ATRNL1: variants seen among roughly 807,000 people sequenced by gnomAD.
ATRNL1 encodes attractin-like protein 1.
In ATRNL1, 95 loss-of-function variants were observed where a neutral mutation model predicts 182.7. The observed-to-expected ratio is 0.52, with a 90% CI of 0.44 to 0.62. ATRNL1 has a LOEUF of 0.62. Among genes scored for constraint, ATRNL1 ranks in the 20% least tolerant of loss-of-function variants. ATRNL1 has a pLI of 0.00. For missense variants in ATRNL1, 1,471 were observed against 1,679.5 expected (o/e 0.88, Z 2.17); for synonymous variants, 576 against 568.3 (o/e 1.01, Z -0.19).
At chr10:115,938,854 G>A (rs561140430) in intron 28 of ATRNL1, among the ~76,000 whole-genome samples, 1 of 152,204 alleles carries the variant, frequency 6.6e-6, no homozygotes, top group South Asian at 2.1e-4. Context: ...AGGGGAAGGG[G>A]GAGGGATGGG....
chr10:115,369,054 T>C (rs1857240308), intron 19 of ATRNL1, among the ~76,000 whole-genome samples: 1 of 152,142 alleles, frequency 6.6e-6, no homozygotes, highest in Admixed American at 6.5e-5. Flanking sequence ...AGTGAAATCA[T>C]ACAGTATTAG....
At chr10:115,750,350 A>G (rs1055759298) in intron 27 of ATRNL1, among the ~76,000 whole-genome samples, 1 of 151,924 alleles carries the variant, frequency 6.6e-6, no homozygotes, top group Non-Finnish European at 1.5e-5. Flanking sequence ...TAGTTGAAAA[A>G]TTGGCATTAA....
intron 26 of ATRNL1, among the ~76,000 whole-genome samples, chr10:115,608,471 A>G (rs968838461): frequency 2.9e-4 from 44 of 152,084 alleles, no homozygotes; most frequent in African/African-American, 1.0e-3. Flanking sequence ...AGAACACTAC[A>G]TACCATACTT....
At chr10:115,760,091 T>C (rs1449681299) in intron 27 of ATRNL1, among the ~76,000 whole-genome samples, 1 of 151,616 alleles carries the variant, frequency 6.6e-6, no homozygotes, top group African/African-American at 2.4e-5. Flanking sequence ...GAACTATATA[T>C]AATATATATT....
rs1008922506 is a variant in ATRNL1 at position 115,332,619 on chromosome 10, T to G, written c.3038-1663T>G. On this transcript the variant is annotated intron_variant, in intron 18 of 28. Coordinates refer to ENST00000355044, the MANE Select transcript of ATRNL1 (RefSeq NM_207303.4). ...CATAAAGAGGATGATGAGCATTTTT[T>G]CATAACTGCATATTCTTTCTATAAT... Among the ~76,000 whole-genome samples, 13 of 152,216 alleles carry G rather than the reference T, an allele frequency of 8.5e-5. 1 individual carries two copies. Among genetic ancestry groups the G allele is most frequent in the Non-Finnish European group, 1.5e-4 (10 of 68,042 alleles).
intron 1 of ATRNL1, among the ~76,000 whole-genome samples, chr10:115,118,667 T>C (rs1490863956): frequency 2.0e-5 from 3 of 152,126 alleles, no homozygotes; most frequent in African/African-American, 7.2e-5. Context: ...ACTTTTGTCC[T>C]CCTCTCCCCT....
rs1554896327 is a variant in ATRNL1 at position 115,216,673 on chromosome 10, C to T, written c.1532+793C>T. ...TTGTTCTAATTTTTCTTTGTAAAATCTGGGAAATGACTTTTTTTTCTTTTA... is the reference window on the plus strand; with the variant it reads ...TTGTTCTAATTTTTCTTTGTAAAATTTGGGAAATGACTTTTTTTTCTTTTA... On this transcript the variant is annotated intron_variant, in intron 9 of 28. Coordinates refer to ENST00000355044, the MANE Select transcript of ATRNL1 (RefSeq NM_207303.4). Among the ~76,000 whole-genome samples the T allele has an allele frequency of 2.0e-5, 3 of 151,362 alleles. No individual in the cohort carries two copies. The South Asian group carries it at 6.2e-4, about 32-fold the overall frequency.
intron 21 of ATRNL1, among the ~76,000 whole-genome samples, chr10:115,458,386 T>G (rs1419839086): frequency 1.3e-5 from 2 of 152,168 alleles, no homozygotes; most frequent in Non-Finnish European, 2.9e-5. Flanking sequence ...TTCTTTATAG[T>G]AGTGCACATT....
In ATRNL1 at chr10:115,747,741, C is replaced by T. The variant is rs76415644; in HGVS notation, c.3903+20386C>T. Among the ~76,000 whole-genome samples, 472 of 152,114 alleles carry T rather than the reference C, an allele frequency of 3.1e-3. 3 individuals are homozygous for T. The highest frequency in any genetic ancestry group is 0.011 in the African/African-American group (444 of 41,538). On this transcript the variant is annotated intron_variant, in intron 27 of 28. Coordinates refer to ENST00000355044, the MANE Select transcript of ATRNL1 (RefSeq NM_207303.4). The stretch of plus-strand genomic sequence containing the variant: ...ACTGCTACAACAAAAATACCATAAA[C>T]TTCTGTTGACTTATAAACAACAGAA...
chr10:115,177,264 G>A (rs1554886918), intron 8 of ATRNL1, among the ~76,000 whole-genome samples: 1 of 152,100 alleles, frequency 6.6e-6, no homozygotes, highest in African/African-American at 2.4e-5. Context: ...TAGTGATGGG[G>A]TGAAAGTCTC....
intron 10 of ATRNL1, among the ~76,000 whole-genome samples, chr10:115,258,598 T>G (rs1851260824): frequency 6.6e-6 from 1 of 152,124 alleles, no homozygotes. Flanking sequence ...ATTACCTACC[T>G]TCTGAAGCCT....
Position 115,945,462 on chromosome 10 carries a change from A to C in ATRNL1, c.*683A>C. On this transcript the variant is annotated 3_prime_UTR_variant, in exon 29 of 29. Coordinates refer to ENST00000355044, the MANE Select transcript of ATRNL1 (RefSeq NM_207303.4). ...GACATTCCTGTCATCCATGCCAACT[A>C]CCTAACTCGTTATCAGAGCTGATAG... is the stretch of plus-strand genomic sequence containing the variant. 6.6e-6 allele frequency: 1 copy of C among 152,244 alleles called. No individual in the cohort carries two copies. The highest frequency in any genetic ancestry group is 2.4e-5 in the African/African-American group (1 of 41,554). The allele number at this position is 152,244 out of a possible 1,614,324, so 9.4% of individuals were successfully genotyped here.
At chr10:115,394,333 G>A (rs1844181635) in intron 19 of ATRNL1, among the ~76,000 whole-genome samples, 1 of 151,914 alleles carries the variant, frequency 6.6e-6, no homozygotes, top group African/African-American at 2.4e-5. Context: ...ACAAAGCTCT[G>A]GCACTAACGC....
chr10:115,924,001 T>A (rs1953145294), intron 28 of ATRNL1, among the ~76,000 whole-genome samples: 3 of 152,198 alleles, frequency 2.0e-5, no homozygotes, highest in Non-Finnish European at 4.4e-5. Flanking sequence ...TCTTTAATGA[T>A]CAGTGATGTT....
intron 3 of ATRNL1, among the ~76,000 whole-genome samples, chr10:115,124,570 A>G (rs1416919302): frequency 6.6e-6 from 1 of 152,172 alleles, no homozygotes; most frequent in South Asian, 2.1e-4. Flanking sequence ...GCTGAACTCA[A>G]ATCTCCAGCC....
At chr10:115,608,989 T>G (rs1857010218) in intron 26 of ATRNL1, among the ~76,000 whole-genome samples, 1 of 152,016 alleles carries the variant, frequency 6.6e-6, no homozygotes. Flanking sequence ...GAACTGATTA[T>G]GTGTATCTAA....
intron 8 of ATRNL1, among the ~76,000 whole-genome samples, chr10:115,177,923 T>G (rs1762370): frequency 2.1e-4 from 25 of 121,468 alleles, no homozygotes; most frequent in Non-Finnish European, 3.0e-4. Flanking sequence ...TTTTTTTTTT[T>G]GTTTTTTTTT....
intron 28 of ATRNL1, among the ~76,000 whole-genome samples, chr10:115,893,552 T>C (rs1952132549): frequency 6.6e-6 from 1 of 152,232 alleles, no homozygotes; most frequent in African/African-American, 2.4e-5. Flanking sequence ...TTTCTTTATA[T>C]CTTGCCTTCT....
At chr10:115,357,047 A>G (rs1261691949) in intron 19 of ATRNL1, among the ~76,000 whole-genome samples, 2 of 151,896 alleles carry the variant, frequency 1.3e-5, no homozygotes, top group African/African-American at 2.4e-5. Context: ...CTTAGCCCCT[A>G]TAATGTATTG....
Sources: gnomAD v4.1 joint callset for allele counts (sites outside exome capture counted in the v4.1 genomes callset) on GRCh38, gnomAD v4.1.1 for gene constraint, MANE v1.5 for transcripts, NCBI Gene and HGNC (gene_info 2026-07-23, HGNC 2026-07-21) for gene names.